DLEU7: variants seen among roughly 807,000 people sequenced by gnomAD.
DLEU7 encodes deleted in lymphocytic leukemia 7.
Under a neutral mutation model 16.0 loss-of-function variants are expected in DLEU7, and 17 were observed. The observed-to-expected ratio is 1.06, with a 90% CI of 0.73 to 1.59. The LOEUF (loss-of-function observed/expected upper bound fraction) is 1.59. Among genes scored for constraint, DLEU7 ranks in the 40% most tolerant of loss-of-function variants. The pLI is 0.00. For synonymous variants in DLEU7, 113 were observed against 139.8 expected, an observed-to-expected ratio of 0.81 and a Z score of 1.35; for missense variants, 308 against 314.9, an observed-to-expected ratio of 0.98 and a Z score of 0.17.
intron 1 of DLEU7, among the ~76,000 whole-genome samples, chr13:50,733,622 C>A (rs1873982361): frequency 6.6e-6 from 1 of 152,202 alleles, no homozygotes; most frequent in African/African-American, 2.4e-5. Flanking sequence ...CACCCACACA[C>A]ACACATTTCC....
intron 1 of DLEU7, among the ~76,000 whole-genome samples, chr13:50,798,966 C>G (rs1273866793): frequency 1.4e-4 from 21 of 152,156 alleles, no homozygotes; most frequent in Admixed American, 1.4e-3. Flanking sequence ...CCTCTTTCAC[C>G]CAAGCTGGAG....
intron 1 of DLEU7, among the ~76,000 whole-genome samples, chr13:50,767,066 A>G (rs1024663523): frequency 1.8e-4 from 28 of 152,160 alleles, no homozygotes; most frequent in African/African-American, 6.5e-4. Context: ...TATCCTACAC[A>G]CTATCCCTGA....
At chr13:50,819,453 G>A (rs540832004), downstream of DLEU7, among the ~76,000 whole-genome samples, 7 of 152,260 alleles carry the variant, frequency 4.6e-5, no homozygotes, top group African/African-American at 1.7e-4. Flanking sequence ...CTGATGTGTG[G>A]AGAATAGACT....
At position 50,753,364 on chromosome 13, in the gene DLEU7, G is replaced by A. The variant is rs549564414; in HGVS notation, c.460-40124C>T. Among the ~76,000 whole-genome samples, 6 of 152,340 alleles carry A rather than the reference G, an allele frequency of 3.9e-5. No homozygotes were observed. In the East Asian group the frequency reaches 7.7e-4, roughly 20 times the overall value. ...TGGGCGCCCTGGAGCAGGGGGCGGC[G>A]CTCGTTGGGGAGGCTCGGGCTGCAC... On this transcript the variant is annotated intron_variant, in intron 1 of 1. Transcript: ENST00000400393.
chr13:50,712,890 CT>C (rs1219765016), exon 2 of DLEU7: 2 of 297,582 alleles, frequency 6.7e-6, no homozygotes, highest in African/African-American at 4.3e-5. Context: ...GATAATTTTC[CT>C]GAAGAGCAAA....
chr13:50,761,851 C>A (rs1307146100), intron 1 of DLEU7, among the ~76,000 whole-genome samples: 3 of 152,120 alleles, frequency 2.0e-5, no homozygotes, highest in Non-Finnish European at 4.4e-5. Flanking sequence ...TAGGCAATTT[C>A]TTTAAAACAT....
intron 1 of DLEU7, among the ~76,000 whole-genome samples, chr13:50,717,893 C>A (rs767931585): frequency 6.6e-6 from 1 of 152,098 alleles, no homozygotes; most frequent in Non-Finnish European, 1.5e-5. Flanking sequence ...AACAAAAACT[C>A]AAACTATCAC....
rs1455964454 is a variant in DLEU7 at position 50,726,498 on chromosome 13, G to T, written c.460-13258C>A. Among the ~76,000 whole-genome samples the T allele has an allele frequency of 6.6e-6, 1 of 151,988 alleles. No individual in the cohort carries two copies. The highest frequency in any genetic ancestry group is 1.5e-5 in the Non-Finnish European group (1 of 68,012). On this transcript the variant is annotated intron_variant, in intron 1 of 1. Transcript: ENST00000400393. The surrounding 1 kb of genome is among the most constrained non-coding windows in gnomAD (Gnocchi z 4.0). ...TAAATTTCCCTCGAAAATACACAAG[G>T]GTTTAAATTAAGGGTAAACGTTGCA...
intron 1 of DLEU7, among the ~76,000 whole-genome samples, chr13:50,767,045 T>A (rs899673778): frequency 2.6e-5 from 4 of 152,206 alleles, no homozygotes; most frequent in Non-Finnish European, 4.4e-5. Flanking sequence ...CTATTCACAG[T>A]CCATTTCTGT....
At chr13:50,753,093 C>T (rs553665161) in intron 1 of DLEU7, among the ~76,000 whole-genome samples, 1 of 132,646 alleles carries the variant, frequency 7.5e-6, no homozygotes, top group African/African-American at 3.4e-5. Context: ...TCGATTGGTG[C>T]ATTCACAAAC....
intron 1 of DLEU7, among the ~76,000 whole-genome samples, chr13:50,803,248 C>A (rs1876296762): frequency 6.6e-6 from 1 of 152,162 alleles, no homozygotes; most frequent in South Asian, 2.1e-4. Flanking sequence ...ACGACTCACT[C>A]TCCCCTTCCT....
intron 1 of DLEU7, among the ~76,000 whole-genome samples, chr13:50,776,075 T>G (rs1875486792): frequency 6.6e-6 from 1 of 152,236 alleles, no homozygotes; most frequent in African/African-American, 2.4e-5. Flanking sequence ...AATTCCTTTT[T>G]GAGCTCCTAG....
intron 1 of DLEU7, among the ~76,000 whole-genome samples, chr13:50,714,864 A>G (rs1258831560): frequency 6.6e-6 from 1 of 152,208 alleles, no homozygotes; most frequent in African/African-American, 2.4e-5. Context: ...GCTTAAAAAT[A>G]GCAAAATTAC....
intron 1 of DLEU7, among the ~76,000 whole-genome samples, chr13:50,777,949 A>G (rs1240873628): frequency 6.6e-6 from 1 of 152,202 alleles, no homozygotes; most frequent in Non-Finnish European, 1.5e-5. Context: ...ATCAGAATGC[A>G]TTCCATTTCC....
At chr13:50,806,088 A>G (rs1254508005) in intron 1 of DLEU7, among the ~76,000 whole-genome samples, 5 of 152,178 alleles carry the variant, frequency 3.3e-5, no homozygotes, top group Non-Finnish European at 7.4e-5. Flanking sequence ...ATCCACAGGC[A>G]TCTTCACTCT....
rs539991967 is a variant in DLEU7, at chr13:50,730,842, G to A, written c.460-17602C>T. On this transcript the variant is annotated intron_variant, in intron 1 of 1. Coordinates refer to the DLEU7 transcript ENST00000400393. The stretch of plus-strand genomic sequence containing the variant: ...ATGAAGGTGTGTGTGTTTGTGTGTG[G>A]GTGTGAGGTAGGAGAATAAATAGAG... Among the ~76,000 whole-genome samples the A allele has an allele frequency of 3.9e-5, 6 of 152,098 alleles. No individual in the cohort carries two copies. The East Asian group carries it at 1.2e-3, about 29-fold the overall frequency.
In DLEU7 at chr13:50,713,242, T is replaced by G; in HGVS notation, c.460-2A>C. 6.2e-7 allele frequency: 1 copy of G among 1,610,416 alleles called. No homozygotes were observed. The highest frequency in any genetic ancestry group is 8.5e-7 in the Non-Finnish European group (1 of 1,178,164). ...TCACTCATTAGCCAGGAGTTGAAGC[T>G]GAAAGAAATGTAGCATAATATCTCA... On this transcript the variant is annotated splice_acceptor_variant, in intron 1 of 1. Coordinates refer to the DLEU7 transcript ENST00000400393. LOFTEE classifies it high-confidence loss of function.
chr13:50,723,847 A>G (rs1873690369), intron 1 of DLEU7, among the ~76,000 whole-genome samples: 1 of 151,870 alleles, frequency 6.6e-6, no homozygotes, highest in Admixed American at 6.6e-5. Flanking sequence ...AAAAAAATAT[A>G]TATATGTACA....
At chr13:50,793,329 G>A (rs1365411781) in intron 1 of DLEU7, among the ~76,000 whole-genome samples, 2 of 152,022 alleles carry the variant, frequency 1.3e-5, no homozygotes, top group African/African-American at 4.8e-5. Flanking sequence ...TGTGAATAGT[G>A]CTGCAGTGAA....
Sources: allele counts gnomAD v4.1 joint callset (sites outside exome capture counted in the v4.1 genomes callset), GRCh38; gene constraint gnomAD v4.1.1; non-coding constraint Gnocchi (gnomAD v3.1); transcripts MANE v1.5; gene names NCBI Gene and HGNC (gene_info 2026-07-23, HGNC 2026-07-21).